AGBL2: variants seen among roughly 807,000 people sequenced by gnomAD.
AGBL2 encodes the protein AGBL carboxypeptidase 2, also known as cytosolic carboxypeptidase 2.
A neutral mutation model predicts 103.0 loss-of-function variants in AGBL2; 87 were observed. The observed-to-expected ratio is 0.84, with a 90% CI of 0.71 to 1.01. The LOEUF is 1.01. Ranked by LOEUF, AGBL2 falls within the 50% of genes least tolerant of loss-of-function variation. The pLI is 0.00. For synonymous variants in AGBL2, 335 were observed against 356.7 expected (o/e 0.94, Z 0.69); for missense variants, 904 against 1,023.5 (o/e 0.88, Z 1.59).
At chr11:47,713,522 C>G (rs1037277809) in intron 3 of AGBL2, among the ~76,000 whole-genome samples, 1 of 150,796 alleles carries the variant, frequency 6.6e-6, no homozygotes, top group African/African-American at 2.4e-5. Context: ...GAGACTTCAT[C>G]TCAAAATAAA....
In AGBL2 at chr11:47,705,595, A is replaced by G; in HGVS notation, c.326T>C (p.Leu109Pro). The G allele has an allele frequency of 2.0e-6, 1 of 496,398 alleles. No homozygotes were observed. Among genetic ancestry groups the G allele is most frequent in the Non-Finnish European group, 3.7e-6 (1 of 272,754 alleles). The allele number at this position is 496,398 out of a possible 1,614,324, so 30.7% of individuals were successfully genotyped here. A position where few individuals can be genotyped will look rare whatever the true frequency, so the allele number is the denominator to read the frequency against. ...GGGAGGTGGAGGTTGCAGTGAGCTG[A>G]GGCCGCGCCACTGCATCCAGCCCAG... ...SCLGWMQWRG[L>P]SSLQPPPPRF... is the part of the protein sequence containing the mutation. Residue 109 changes from leucine (L) to proline (P), a missense_variant, in exon 6 of 19, where the codon CTC becomes CCC. By Grantham distance (98) the Leu-to-Pro change is moderately conservative. Transcript: ENST00000525123.
In AGBL2 at chr11:47,710,466, C is replaced by T. The variant is rs745526604; in HGVS notation, c.143G>A (p.Arg48Gln). Residue 48 changes from arginine (R) to glutamine (Q), a missense_variant, in exon 4 of 19, where the codon CGG becomes CAG. Coordinates refer to ENST00000525123, the MANE Select transcript of AGBL2 (RefSeq NM_024783.4). ...LPNSATHQHV[R>Q]KNNPQCLLNG... ...CAACAGGCATTGAGGGTTATTCTTC[C>T]GAACATGCTGATGCGTAGCAGAGTT... 114 of 1,613,982 alleles carry T rather than the reference C, an allele frequency of 7.1e-5. No individual in the cohort carries two copies. The highest frequency in any genetic ancestry group is 8.6e-5 in the Non-Finnish European group (101 of 1,180,014).
rs2153803572 is a variant in AGBL2, at chr11:47,679,994, A to G, written c.1995T>C (p.Phe665=). ...GYHVCDTLLD[F]CDPDQMKFTQ... ...TTACCTTCATTTGGTCAGGATCACA[A>G]AAGTCCAGAAGGGTGTCACAGACAT... Residue 665 remains phenylalanine (F), a synonymous_variant, in exon 13 of 19, where the codon TTT becomes TTC. Transcript: ENST00000525123. The G allele has an allele frequency of 6.2e-7, 1 of 1,611,518 alleles. No individual in the cohort carries two copies. Among genetic ancestry groups the G allele is most frequent in the Non-Finnish European group, 8.5e-7 (1 of 1,178,126 alleles).
In AGBL2 at chr11:47,668,291, G is replaced by A. The variant is rs372678442; in HGVS notation, c.2214+550C>T. Among the ~76,000 whole-genome samples the A allele has an allele frequency of 1.6e-3, 234 of 148,456 alleles. 3 individuals are homozygous for A. The highest frequency in any genetic ancestry group is 3.8e-3 in the African/African-American group (155 of 40,428). On this transcript the variant is annotated intron_variant, in intron 15 of 18. Transcript: ENST00000525123. ...TGGGAGGCCAAGGCGGGCAGATCAC[G>A]AGGTCAGGAGTTTGAGACCAGGATG...
intron 8 of AGBL2, among the ~76,000 whole-genome samples, chr11:47,692,762 A>G (rs748866260): frequency 1.3e-5 from 2 of 151,672 alleles, no homozygotes; most frequent in Non-Finnish European, 2.9e-5. Flanking sequence ...TGTCATATCT[A>G]GAATCCACTG....
At chr11:47,698,908 T>G (rs1209299901) in intron 8 of AGBL2, among the ~76,000 whole-genome samples, 2 of 151,062 alleles carry the variant, frequency 1.3e-5, no homozygotes, top group Non-Finnish European at 2.9e-5. Flanking sequence ...ATATGGTTTA[T>G]CCTGGGGAAT....
Position 47,667,055 on chromosome 11 carries a change from T to C in AGBL2, c.2349A>G (p.Ala783=). 1.3e-6 allele frequency: 2 copies of C among 1,599,776 alleles called. No homozygotes were observed. Among genetic ancestry groups the C allele is most frequent in the Non-Finnish European group, 1.7e-6 (2 of 1,173,352 alleles). ...GCTTTTGCAGAGTAGAAGCAAATCC[T>C]GCCTTTTCCTAGGATTGAGTGAAAA... is the stretch of plus-strand genomic sequence containing the variant. ...LKLTEDTSEK[A]GFASTLQKQP... The change falls in exon 17 of 19, where the codon GCA becomes GCG. Residue 783 remains alanine, a synonymous_variant. Transcript: ENST00000525123.
chr11:47,711,611 G>A (rs1004698307), intron 3 of AGBL2, among the ~76,000 whole-genome samples: 1 of 152,222 alleles, frequency 6.6e-6, no homozygotes, highest in African/African-American at 2.4e-5. Flanking sequence ...TCAGCTCACT[G>A]CAACCTCTGC....
At chr11:47,666,901 T>TA (rs780954446) in intron 17 of AGBL2, 55 bp downstream of exon 17, 3 of 1,126,934 alleles carry the variant, frequency 2.7e-6, no homozygotes, top group Non-Finnish European at 4.0e-6. Context: ...AGAGAGGTGC[T>TA]AATTCGAGAG....
intron 8 of AGBL2, among the ~76,000 whole-genome samples, chr11:47,692,719 A>T (rs1157096366): frequency 1.3e-5 from 2 of 151,514 alleles, no homozygotes; most frequent in African/African-American, 2.4e-5. Context: ...GCCATCCAAC[A>T]TCAATTTTTT....
chr11:47,690,687 C>G lies in AGBL2; in HGVS notation c.1020G>C (p.Leu340Phe). The part of the protein sequence containing the change: ...SLYTVGMKPL[L>F]YSQLDANTRN... ...GGGTGTTGGCATCCAATTGGGAGTA[C>G]AAGAGTGGCTTCATCCCTACAGTAT... Residue 340 changes from leucine to phenylalanine, a missense_variant, in exon 10 of 19, where the codon TTG (leucine) becomes TTC (phenylalanine). Coordinates refer to ENST00000525123, the MANE Select transcript of AGBL2 (RefSeq NM_024783.4). 1 of 1,614,122 alleles carries G rather than the reference C, an allele frequency of 6.2e-7. No homozygotes were observed. Among genetic ancestry groups the G allele is most frequent in the Non-Finnish European group, 8.5e-7 (1 of 1,180,040 alleles).
At chr11:47,710,654 C>T in intron 3 of AGBL2, 143 bp from the exon 4 acceptor site, 1 of 941,732 alleles carries the variant, frequency 1.1e-6, no homozygotes, top group East Asian at 2.5e-5. Context: ...TTTCAAAGAG[C>T]TTTCATATTC....
intron 13 of AGBL2, among the ~76,000 whole-genome samples, chr11:47,678,335 A>ATTTTTTTTTTTTTTTTT (rs771416947): frequency 1.5e-5 from 1 of 67,820 alleles, no homozygotes; most frequent in Admixed American, 2.0e-4. Context: ...ATTTTATTTT[A>ATTTTTTTTTTTTTTTTT]TTATTTTATT....
At chr11:47,714,571 G>A in intron 2 of AGBL2, 47 bp downstream of exon 2, 1 of 1,599,828 alleles carries the variant, frequency 6.3e-7, no homozygotes, top group Non-Finnish European at 8.6e-7. Context: ...CCGAAGAAAT[G>A]GAGTTCCCCG....
rs564846404 is a variant in AGBL2, at chr11:47,693,736, C to T, written c.695-1480G>A. 5.3e-5 allele frequency among the ~76,000 whole-genome samples: 8 copies of T among 152,234 alleles called. No individual in the cohort carries two copies. The South Asian group carries it at 8.3e-4, about 16-fold the overall frequency. ...CATATAAATTTGAGGAACATCTTTT[C>T]GTTCTGCATAAAAGCCCTTTGAAGT... is the stretch of plus-strand genomic sequence containing the variant. On this transcript the variant is annotated intron_variant, in intron 8 of 18. Transcript: ENST00000525123.
intron 17 of AGBL2, chr11:47,666,639 T>C: frequency 1.8e-6 from 1 of 542,846 alleles, no homozygotes; most frequent in Non-Finnish European, 3.2e-6. Context: ...TAAAATTCAT[T>C]GATTTATTTT....
At chr11:47,704,054 A>G (rs2097508452) in intron 7 of AGBL2, among the ~76,000 whole-genome samples, 1 of 151,512 alleles carries the variant, frequency 6.6e-6, no homozygotes, top group Admixed American at 6.6e-5. Context: ...ATGAGTCGAG[A>G]TTGCGCCACT....
At chr11:47,695,445 A>T in intron 8 of AGBL2, among the ~76,000 whole-genome samples, 1 of 143,260 alleles carries the variant, frequency 7.0e-6, no homozygotes, top group Admixed American at 7.4e-5. Flanking sequence ...ACTGCACTCC[A>T]GCCTGGGCGA....
chr11:47,709,869 G>A (rs1444977094), intron 4 of AGBL2, among the ~76,000 whole-genome samples: 1 of 151,944 alleles, frequency 6.6e-6, no homozygotes, highest in Non-Finnish European at 1.5e-5. Context: ...GATTACAGGC[G>A]TGAGCCACGA....
Sources: gnomAD v4.1 joint callset for allele counts (sites outside exome capture counted in the v4.1 genomes callset) on GRCh38, gnomAD v4.1.1 for gene constraint, MANE v1.5 for transcripts, NCBI Gene and HGNC (gene_info 2026-07-23, HGNC 2026-07-21) for gene names.